SEC31A: variants seen among roughly 807,000 people sequenced by gnomAD.
SEC31A encodes the protein protein transport protein Sec31A.
Under a neutral mutation model 151.0 loss-of-function variants are expected in SEC31A, and 70 were observed. That is an observed-to-expected ratio of 0.46 (90% CI 0.38 to 0.57). The LOEUF is 0.57. Among genes scored for constraint, SEC31A ranks in the 20% least tolerant of loss-of-function variants. The pLI, the probability that SEC31A is intolerant of heterozygous loss-of-function variation, is 0.00. For synonymous variants in SEC31A, 475 were observed against 505.9 expected (o/e 0.94, Z 0.82); for missense variants, 1,330 against 1,471.2 (o/e 0.90, Z 1.57).
intron 22 of SEC31A, among the ~76,000 whole-genome samples, chr4:82,838,343 A>G (rs895024503): frequency 2.6e-5 from 4 of 152,308 alleles, no homozygotes; most frequent in African/African-American, 7.2e-5. Flanking sequence ...AACAGAAACA[A>G]AAGTGACAGG....
intron 20 of SEC31A, among the ~76,000 whole-genome samples, chr4:82,846,785 G>A (rs1350859450): frequency 6.6e-6 from 1 of 152,082 alleles, no homozygotes; most frequent in African/African-American, 2.4e-5. Context: ...CGTGATCTCA[G>A]CTCACTGCAA....
chr4:82,878,572 T>G (rs1738539382), intron 4 of SEC31A, among the ~76,000 whole-genome samples, 158 bp downstream of exon 4: 1 of 152,196 alleles, frequency 6.6e-6, no homozygotes, highest in African/African-American at 2.4e-5. Flanking sequence ...AACCCTGATC[T>G]CAACTCTGAA....
chr4:82,821,383 C>T (rs1040656734), intron 25 of SEC31A: 4 of 260,140 alleles, frequency 1.5e-5, no homozygotes, highest in African/African-American at 6.9e-5. Flanking sequence ...CCTGTCTCTA[C>T]TAAAAATACA....
intron 24 of SEC31A, among the ~76,000 whole-genome samples, chr4:82,825,353 G>A (rs1156614275): frequency 2.0e-5 from 3 of 152,166 alleles, no homozygotes; most frequent in Non-Finnish European, 4.4e-5. Flanking sequence ...TAATGGAAGA[G>A]GCACAGTTTA....
At chr4:82,842,760 T>C (rs1729196012) in intron 21 of SEC31A, 4 of 293,364 alleles carry the variant, frequency 1.4e-5, no homozygotes, top group African/African-American at 4.4e-5. Context: ...CTGACCCTTT[T>C]CTGAGACTTT....
intron 24 of SEC31A, among the ~76,000 whole-genome samples, chr4:82,825,521 A>G (rs1724351639): frequency 6.6e-6 from 1 of 152,240 alleles, no homozygotes; most frequent in Admixed American, 6.5e-5. Context: ...AAGTGAGGAA[A>G]AAAGAGCATT....
chr4:82,881,759 G>A (rs1739405338), intron 2 of SEC31A, 99 bp downstream of exon 2: 2 of 889,790 alleles, frequency 2.2e-6, no homozygotes, highest in Admixed American at 1.9e-5. Flanking sequence ...GCCAGGGAGA[G>A]AGAGGCTTTC....
chr4:82,862,867 A>G (rs113343442), intron 12 of SEC31A, among the ~76,000 whole-genome samples: 2 of 152,344 alleles, frequency 1.3e-5, no homozygotes, highest in East Asian at 1.9e-4. Context: ...TACAGCCTCA[A>G]GAAGTTTAGA....
intron 26 of SEC31A, 115 bp downstream of exon 26, chr4:82,820,922 A>C: frequency 1.3e-6 from 1 of 790,568 alleles, no homozygotes; most frequent in South Asian, 1.5e-5. Context: ...CCATTCTCTA[A>C]ATGTCATGAC....
At chr4:82,847,805 T>C (rs1730568407) in intron 20 of SEC31A, among the ~76,000 whole-genome samples, 1 of 152,132 alleles carries the variant, frequency 6.6e-6, no homozygotes, top group Admixed American at 6.5e-5. Context: ...CAGGCACTCA[T>C]GGCAGGGTCT....
chr4:82,850,919 G>T (rs1057020532), intron 19 of SEC31A, among the ~76,000 whole-genome samples: 4 of 152,248 alleles, frequency 2.6e-5, no homozygotes, highest in Admixed American at 6.5e-5. Context: ...CAATAAGTAA[G>T]GACAATCTAA....
chr4:82,869,412 G>A (rs1578319538), intron 8 of SEC31A, among the ~76,000 whole-genome samples: 1 of 151,840 alleles, frequency 6.6e-6, no homozygotes, highest in Non-Finnish European at 1.5e-5. Context: ...TTACAGGCCT[G>A]AGCCACTGCA....
intron 20 of SEC31A, among the ~76,000 whole-genome samples, chr4:82,847,204 A>G (rs563288328): frequency 6.6e-6 from 1 of 152,322 alleles, no homozygotes; most frequent in Non-Finnish European, 1.5e-5. Context: ...ACATGGTTCA[A>G]GGGTCAACTG....
At chr4:82,869,810 C>A (rs3797037) in intron 8 of SEC31A, among the ~76,000 whole-genome samples, 42,800 of 151,892 alleles carry the variant, frequency 0.28, 7,195 homozygotes, top group East Asian at 0.49. Context: ...ATTAGCATTC[C>A]ATCAAACTAC....
In SEC31A at chr4:82,870,427, A is replaced by G. The variant is rs1211297217; in HGVS notation, c.783-3T>C. 4.4e-6 allele frequency: 7 copies of G among 1,605,402 alleles called. No individual in the cohort carries two copies. Among genetic ancestry groups the G allele is most frequent in the African/African-American group, 1.3e-5 (1 of 74,716 alleles). ...TCCAAGCAATTGCCAAAATCCCCCTATAAAAAACATAAAGGAACAAGGAAA... is the reference window on the plus strand; with the variant it reads ...TCCAAGCAATTGCCAAAATCCCCCTGTAAAAAACATAAAGGAACAAGGAAA... On this transcript the variant is annotated splice_polypyrimidine_tract_variant and splice_region_variant and intron_variant, in intron 7 of 26. Transcript: ENST00000395310.
At chr4:82,874,002 A>T (rs533734975) in intron 6 of SEC31A, among the ~76,000 whole-genome samples, 20 of 152,288 alleles carry the variant, frequency 1.3e-4, no homozygotes, top group African/African-American at 4.8e-4. Flanking sequence ...AAGATGAATT[A>T]AAAAGTTGCT....
At chr4:82,820,950 T>C in intron 26 of SEC31A, 87 bp downstream of exon 26, 1 of 1,097,308 alleles carries the variant, frequency 9.1e-7, no homozygotes. Context: ...CCCCCATGCA[T>C]ACTAAATGGG....
chr4:82,848,054 T>C (rs1560611788), intron 20 of SEC31A, among the ~76,000 whole-genome samples: 1 of 152,174 alleles, frequency 6.6e-6, no homozygotes, highest in Non-Finnish European at 1.5e-5. Flanking sequence ...ATAGGCAGAG[T>C]ACCTGTTAAC....
At chr4:82,846,366 C>CATAATAATAATAATA (rs35831381) in intron 20 of SEC31A, among the ~76,000 whole-genome samples, 4,296 of 140,468 alleles carry the variant, frequency 0.031, 76 homozygotes, top group East Asian at 0.039. Flanking sequence ...AACTCCAAAA[C>CATAATAATAATAATA]ATAATAATAA....
Sources: gnomAD v4.1 joint callset for allele counts (sites outside exome capture counted in the v4.1 genomes callset) on GRCh38, gnomAD v4.1.1 for gene constraint, MANE v1.5 for transcripts, NCBI Gene and HGNC (gene_info 2026-07-23, HGNC 2026-07-21) for gene names.